The following FER1L6 variants were observed in gnomAD, a reference collection of about 807,000 sequenced individuals.
FER1L6 encodes fer-1-like protein 6.
Under a neutral mutation model 219.2 loss-of-function variants are expected in FER1L6, and 177 were observed. The ratio of observed to expected loss-of-function variants is 0.81; its 90% CI spans 0.71 to 0.91. FER1L6 has a LOEUF of 0.91. Among genes scored for constraint, FER1L6 ranks in the 40% least tolerant of loss-of-function variants. FER1L6 has a pLI of 0.00. For synonymous variants in FER1L6, 768 were observed against 824.3 expected (o/e 0.93, Z 1.17); for missense variants, 2,153 against 2,259.9 (o/e 0.95, Z 0.96).
rs766082302 is a variant in FER1L6 at position 124,118,976 on chromosome 8, A to G, written c.5390+32A>G. ...GGAGTTGCTAGTGGGAACATCAGAAATGGGAAGGGGCCTTTGCAGTCCTTG... is the reference window on the plus strand; with the variant it reads ...GGAGTTGCTAGTGGGAACATCAGAAGTGGGAAGGGGCCTTTGCAGTCCTTG... On this transcript the variant is annotated intron_variant, in intron 40 of 40. Coordinates refer to ENST00000522917, the MANE Select transcript of FER1L6 (RefSeq NM_001039112.2). 25 of 1,557,642 alleles carry G rather than the reference A, an allele frequency of 1.6e-5. 1 individual carries two copies. In the Admixed American group the frequency reaches 4.2e-4, roughly 26 times the overall value.
Position 124,066,484 on chromosome 8 carries a change from T to C in FER1L6, c.3612T>C (p.Asp1204=), listed in dbSNP as rs766002164. Residue 1204 remains aspartate (D), a synonymous_variant, in exon 27 of 41, where the codon GAT becomes GAC. Coordinates refer to ENST00000522917, the MANE Select transcript of FER1L6 (RefSeq NM_001039112.2). Reference sequence around the variant, plus strand: ...AGAGGAGAAAGAGGACCATAGCAGATGAATCTGCTGAAAACGTGATTGACT... The same window carrying C: ...AGAGGAGAAAGAGGACCATAGCAGACGAATCTGCTGAAAACGTGATTGACT... ...STKRRKRTIA[D]ESAENVIDWW... The C allele has an allele frequency of 6.2e-7, 1 of 1,614,110 alleles. No homozygotes were observed. Among genetic ancestry groups the C allele is most frequent in the Admixed American group, 1.7e-5 (1 of 60,028 alleles).
At chr8:124,107,151 T>C (rs1586350788) in intron 39 of FER1L6, among the ~76,000 whole-genome samples, 1 of 151,932 alleles carries the variant, frequency 6.6e-6, no homozygotes, top group African/African-American at 2.4e-5. Context: ...GGTTTCACCA[T>C]GTTAGCCAGG....
At chr8:124,068,624 C>CA (rs1820926923) in intron 28 of FER1L6, among the ~76,000 whole-genome samples, 1 of 152,208 alleles carries the variant, frequency 6.6e-6, no homozygotes, top group Non-Finnish European at 1.5e-5. Context: ...ATGGATCTGA[C>CA]AGAGTGTGAC....
intron 1 of FER1L6, among the ~76,000 whole-genome samples, chr8:123,923,313 A>G (rs760577712): frequency 6.6e-6 from 1 of 152,358 alleles, no homozygotes; most frequent in African/African-American, 2.4e-5. Context: ...AACTTCGTCA[A>G]TGTCACCTGC....
At chr8:124,024,198 T>A (rs199749718) in intron 18 of FER1L6, among the ~76,000 whole-genome samples, 9,722 of 142,060 alleles carry the variant, frequency 0.068, 531 homozygotes, top group African/African-American at 0.17. Context: ...ACTTGGCCAT[T>A]TTTTTTTTTT....
At chr8:123,906,808 G>GAA (rs11350871) in intron 1 of FER1L6, among the ~76,000 whole-genome samples, 2 of 137,244 alleles carry the variant, frequency 1.5e-5, no homozygotes, top group Non-Finnish European at 3.1e-5. Flanking sequence ...ATCTCCGGAA[G>GAA]AAAAAAAAAA....
intron 12 of FER1L6, among the ~76,000 whole-genome samples, chr8:123,992,622 T>C (rs75274024): frequency 0.037 from 5,632 of 152,278 alleles, 259 homozygotes; most frequent in African/African-American, 0.11. Flanking sequence ...ATATAGATAA[T>C]GGTCTATTGA....
chr8:124,097,583 A>G (rs764047690), intron 36 of FER1L6, among the ~76,000 whole-genome samples: 1 of 152,134 alleles, frequency 6.6e-6, no homozygotes, highest in Non-Finnish European at 1.5e-5. Context: ...AGACCTGCTC[A>G]TAGGAATTCA....
At chr8:123,982,456 G>C (rs987766020) in intron 11 of FER1L6, among the ~76,000 whole-genome samples, 23 of 152,180 alleles carry the variant, frequency 1.5e-4, no homozygotes, top group African/African-American at 5.1e-4. Context: ...GTTGGAGGGT[G>C]TATCTTGGCT....
At chr8:123,907,651 G>T (rs1812977392) in intron 1 of FER1L6, among the ~76,000 whole-genome samples, 2 of 148,832 alleles carry the variant, frequency 1.3e-5, no homozygotes, top group Admixed American at 1.3e-4. Context: ...GAAGAATATG[G>T]TTAAAACCCA....
intron 20 of FER1L6, among the ~76,000 whole-genome samples, chr8:124,042,114 G>A (rs375956821): frequency 1.2e-4 from 18 of 152,252 alleles, no homozygotes; most frequent in African/African-American, 3.9e-4. Flanking sequence ...GGAGTTCCAG[G>A]GCCTTAGTGA....
chr8:124,071,352 A>G (rs1011082381), intron 30 of FER1L6, among the ~76,000 whole-genome samples, 154 bp from the exon 31 acceptor site: 3 of 152,320 alleles, frequency 2.0e-5, no homozygotes, highest in Middle Eastern at 3.4e-3. Context: ...CAGGCTACAT[A>G]AATTGCCCAA....
At chr8:124,029,445 CT>C (rs1405067731) in intron 18 of FER1L6, among the ~76,000 whole-genome samples, 1 of 152,138 alleles carries the variant, frequency 6.6e-6, no homozygotes, top group Non-Finnish European at 1.5e-5. Context: ...TGTTTCTTGA[CT>C]TTTTTATAAT....
chr8:124,003,239 ACCT>A lies in FER1L6; in HGVS notation c.1596_1598del (p.Leu533del). On this transcript the variant is annotated inframe_deletion, in exon 13 of 41. Coordinates refer to ENST00000522917, the MANE Select transcript of FER1L6 (RefSeq NM_001039112.2). ...AAGTCAGCTGAATCAGCTGAAGAAG[ACCT>A]CCTTCCACTGCTTCACGAAGGGCAA... 3.1e-6 allele frequency: 5 copies of A among 1,613,766 alleles called. No individual in the cohort carries two copies. The highest frequency in any genetic ancestry group is 3.4e-6 in the Non-Finnish European group (4 of 1,179,920).
intron 37 of FER1L6, among the ~76,000 whole-genome samples, chr8:124,098,222 T>C (rs1822394609): frequency 6.6e-6 from 1 of 152,224 alleles, no homozygotes; most frequent in Admixed American, 6.5e-5. Flanking sequence ...GATTAATATG[T>C]TGAACAGATT....
At chr8:123,957,042 G>C (rs1371631893) in intron 2 of FER1L6, among the ~76,000 whole-genome samples, 4 of 152,212 alleles carry the variant, frequency 2.6e-5, no homozygotes, top group Non-Finnish European at 5.9e-5. Flanking sequence ...TTAAAAAGCA[G>C]CTCAAGGCTA....
At chr8:124,085,294 A>G (rs952748646) in intron 33 of FER1L6, among the ~76,000 whole-genome samples, 4 of 151,826 alleles carry the variant, frequency 2.6e-5, no homozygotes, top group Non-Finnish European at 5.9e-5. Flanking sequence ...TGATTTTCTA[A>G]TTCATTAAGA....
At position 123,951,499 on chromosome 8, in the gene FER1L6, C is replaced by T. The variant is rs140844997; in HGVS notation, c.-7-4493C>T. Among the ~76,000 whole-genome samples the T allele has an allele frequency of 1.5e-3, 226 of 152,116 alleles. 3 individuals carry two copies. The highest frequency in any genetic ancestry group is 1.8e-3 in the Non-Finnish European group (125 of 68,016). Reference sequence around the variant, plus strand: ...ACTGCTTCTATGTGTAGTGGTTTGCCGTTAATGAATATATCCCAGTCTTAG... The same window carrying T: ...ACTGCTTCTATGTGTAGTGGTTTGCTGTTAATGAATATATCCCAGTCTTAG... On this transcript the variant is annotated intron_variant, in intron 1 of 40. Coordinates refer to ENST00000522917, the MANE Select transcript of FER1L6 (RefSeq NM_001039112.2).
At chr8:124,103,605 C>T (rs1324465840) in intron 39 of FER1L6, among the ~76,000 whole-genome samples, 1 of 152,070 alleles carries the variant, frequency 6.6e-6, no homozygotes, top group Admixed American at 6.5e-5. Context: ...AATTTCAATG[C>T]AATTACCTTA....
Sources: gnomAD v4.1 joint callset for allele counts (sites outside exome capture counted in the v4.1 genomes callset) on GRCh38, gnomAD v4.1.1 for gene constraint, MANE v1.5 for transcripts, NCBI Gene and HGNC (gene_info 2026-07-23, HGNC 2026-07-21) for gene names.